RBFOX1: variants seen among roughly 807,000 people sequenced by gnomAD.
RBFOX1 encodes the protein RNA binding fox-1 homolog 1, also known as RNA binding protein fox-1 homolog 1.
A neutral mutation model predicts 57.7 loss-of-function variants in RBFOX1; 8 were observed. The ratio of observed to expected loss-of-function variants is 0.14; its 90% CI spans 0.08 to 0.25. The LOEUF is 0.25. Ranked by LOEUF, RBFOX1 falls within the 10% of genes least tolerant of loss-of-function variation. RBFOX1 has a pLI of 1.00. For synonymous variants in RBFOX1, 326 were observed against 222.4 expected (o/e 1.47, Z -4.15); for missense variants, 611 against 548.5 (o/e 1.11, Z -1.14).
At chr16:6,653,221 T>C (rs1306107298) in intron 2 of RBFOX1, among the ~76,000 whole-genome samples, 3 of 152,128 alleles carry the variant, frequency 2.0e-5, no homozygotes, top group Non-Finnish European at 4.4e-5. Context: ...TCCCCTACCC[T>C]CAGCATTTCC....
intron 3 of RBFOX1, among the ~76,000 whole-genome samples, chr16:6,957,181 C>G (rs532645592): frequency 2.1e-4 from 30 of 143,506 alleles, no homozygotes; most frequent in African/African-American, 6.3e-4. Context: ...ACCCAGGCTG[C>G]AGTGCAGTGG....
At chr16:7,070,601 G>T (rs1385509978) in intron 4 of RBFOX1, among the ~76,000 whole-genome samples, 1 of 152,160 alleles carries the variant, frequency 6.6e-6, no homozygotes, top group Non-Finnish European at 1.5e-5. Context: ...CGTTTAAGTG[G>T]TTTTGATTAA....
intron 2 of RBFOX1, among the ~76,000 whole-genome samples, chr16:5,476,582 C>T (rs1384713668): frequency 1.2e-4 from 19 of 152,144 alleles, no homozygotes; most frequent in Admixed American, 1.2e-3. Context: ...TCCATCTTAC[C>T]GGGTCATTGT....
At chr16:7,695,804 A>T (rs180797192) in intron 14 of RBFOX1, among the ~76,000 whole-genome samples, 1 of 152,146 alleles carries the variant, frequency 6.6e-6, no homozygotes, top group Non-Finnish European at 1.5e-5. Flanking sequence ...GACAAAAGAC[A>T]AGTTCTCTAT....
intron 3 of RBFOX1, among the ~76,000 whole-genome samples, chr16:5,649,123 A>G (rs1020404531): frequency 3.9e-5 from 6 of 152,030 alleles, no homozygotes; most frequent in Non-Finnish European, 7.4e-5. Flanking sequence ...ATATATACAC[A>G]CATATATACA....
At chr16:6,261,382 G>A (rs548773835) in intron 1 of RBFOX1, among the ~76,000 whole-genome samples, 27 of 152,282 alleles carry the variant, frequency 1.8e-4, no homozygotes, top group African/African-American at 6.5e-4. Flanking sequence ...AAAATAGTAC[G>A]TCAAAGCAAA....
chr16:6,133,610 A>G (rs968052793), intron 1 of RBFOX1, among the ~76,000 whole-genome samples: 4 of 151,690 alleles, frequency 2.6e-5, no homozygotes, highest in African/African-American at 7.3e-5. Flanking sequence ...ATCTTATTTC[A>G]CTCCCTACCT....
At chr16:6,501,937 A>G (rs1400492408) in intron 2 of RBFOX1, among the ~76,000 whole-genome samples, 1 of 152,184 alleles carries the variant, frequency 6.6e-6, no homozygotes, top group Non-Finnish European at 1.5e-5. Flanking sequence ...CTGAGGAGAT[A>G]GTGGTGAACA....
At chr16:6,674,875 G>T (rs185777359) in intron 3 of RBFOX1, among the ~76,000 whole-genome samples, 1 of 151,982 alleles carries the variant, frequency 6.6e-6, no homozygotes, top group South Asian at 2.1e-4. Context: ...ATAAATTACT[G>T]TTGTGTTTTT....
chr16:7,509,814 G>GA (rs2074502731), intron 4 of RBFOX1, among the ~76,000 whole-genome samples: 1 of 151,918 alleles, frequency 6.6e-6, no homozygotes, highest in African/African-American at 2.4e-5. Flanking sequence ...CCCCTCTTAA[G>GA]AAAAAATAAG....
chr16:7,486,044 T>C (rs1315446231), intron 4 of RBFOX1, among the ~76,000 whole-genome samples: 1 of 151,950 alleles, frequency 6.6e-6, no homozygotes, highest in South Asian at 2.1e-4. Context: ...CAATTTCTGA[T>C]CCTTCTTCTG....
At chr16:7,324,504 A>G (rs939378161) in intron 4 of RBFOX1, among the ~76,000 whole-genome samples, 1 of 152,198 alleles carries the variant, frequency 6.6e-6, no homozygotes, top group African/African-American at 2.4e-5. Context: ...CAAATTCTCA[A>G]ACCCAGTTGT....
intron 1 of RBFOX1, among the ~76,000 whole-genome samples, chr16:5,394,871 G>A (rs1453678320): frequency 6.6e-6 from 1 of 151,804 alleles, no homozygotes. Flanking sequence ...TCCTTATTAT[G>A]GCATCTGCAC....
chr16:6,638,486 TAATAA>T (rs1354267820), intron 2 of RBFOX1, among the ~76,000 whole-genome samples: 3 of 152,304 alleles, frequency 2.0e-5, no homozygotes, highest in East Asian at 3.9e-4. Flanking sequence ...ACATTTATTA[TAATAA>T]AATATGCTTC....
At chr16:7,364,979 C>G (rs1215376553) in intron 4 of RBFOX1, among the ~76,000 whole-genome samples, 1 of 152,142 alleles carries the variant, frequency 6.6e-6, no homozygotes, top group Non-Finnish European at 1.5e-5. Flanking sequence ...CTACAATGAT[C>G]AGATGATTCT....
chr16:7,045,047 GCT>G (rs2153714414), intron 3 of RBFOX1, among the ~76,000 whole-genome samples: 1 of 152,286 alleles, frequency 6.6e-6, no homozygotes, highest in East Asian at 1.9e-4. Context: ...GCAATGGACA[GCT>G]CTTTCTTCAC....
intron 3 of RBFOX1, among the ~76,000 whole-genome samples, chr16:7,030,779 C>T (rs2042588238): frequency 6.6e-6 from 1 of 152,136 alleles, no homozygotes; most frequent in African/African-American, 2.4e-5. Flanking sequence ...GTTATGGGGT[C>T]TAATTAAGGC....
At chr16:6,542,625 GA>G (rs2096838645) in intron 2 of RBFOX1, among the ~76,000 whole-genome samples, 1 of 151,000 alleles carries the variant, frequency 6.6e-6, no homozygotes, top group Non-Finnish European at 1.5e-5. Context: ...AAGTAGCTGG[GA>G]CCACAGGCGC....
intron 11 of RBFOX1, among the ~76,000 whole-genome samples, chr16:7,642,582 C>G (rs1169049267): frequency 6.6e-6 from 1 of 152,156 alleles, no homozygotes; most frequent in African/African-American, 2.4e-5. Flanking sequence ...AGGCAATTCA[C>G]CGAGCTTGCT....
Sources: allele counts gnomAD v4.1 joint callset (sites outside exome capture counted in the v4.1 genomes callset), GRCh38; gene constraint gnomAD v4.1.1; transcripts MANE v1.5; gene names NCBI Gene and HGNC (gene_info 2026-07-23, HGNC 2026-07-21).